The following PTCHD1 variants were observed in gnomAD, a reference collection of about 807,000 sequenced individuals.
The protein encoded by PTCHD1 is patched domain-containing protein 1.
A neutral mutation model predicts 34.6 loss-of-function variants in PTCHD1; 3 were observed. The ratio of observed to expected loss-of-function variants is 0.09; its 90% CI spans 0.04 to 0.22. The LOEUF is 0.22. Among genes scored for constraint, PTCHD1 ranks in the 10% least tolerant of loss-of-function variants. The pLI, the probability that PTCHD1 is intolerant of heterozygous loss-of-function variation, is 1.00. For synonymous variants in PTCHD1, 305 were observed against 283.1 expected (o/e 1.08, Z -0.77); for missense variants, 504 against 685.5 (o/e 0.74, Z 2.96).
At chrX:23,366,921 TACACACACAC>T (rs61606231) in intron 1 of PTCHD1, among the ~76,000 whole-genome samples, 5 of 99,351 alleles carry the variant, frequency 5.0e-5, no homozygotes, top group East Asian at 3.2e-4. Context: ...ATGCTCCTGG[TACACACACAC>T]ACACACACAC....
Position 23,395,932 on chromosome X carries a change from C to T in PTCHD1, c.*1747C>T, listed in dbSNP as rs976940696. 1.9e-4 allele frequency: 21 copies of T among 111,765 alleles called. No homozygotes were observed. The highest frequency in any genetic ancestry group is 6.8e-4 in the African/African-American group (21 of 30,702). 9.2% of individuals were successfully genotyped at this position (111,765 alleles called of 1,213,427 possible). On this transcript the variant is annotated 3_prime_UTR_variant, in exon 3 of 3. Transcript: ENST00000379361. ...GGTCACACCACTAAAGGGTTTTCATCATTTCAGCATACCTAAGACAGGGCA... is the reference window on the plus strand; with the variant it reads ...GGTCACACCACTAAAGGGTTTTCATTATTTCAGCATACCTAAGACAGGGCA...
Position 23,394,409 on chromosome X carries a change from GACACACACACACACACACAC to G in PTCHD1, c.*247_*266del, listed in dbSNP as rs34539351. ...TGTTATGAGAATTCACACACACATA[GACACACACACACACACACAC>G]ACACACACACACACACACACACCCT... On this transcript the variant is annotated 3_prime_UTR_variant, in exon 3 of 3. Transcript: ENST00000379361. 15 of 200,362 alleles carry G rather than the reference GACACACACACACACACACAC, an allele frequency of 7.5e-5. No individual in the cohort carries two copies. The highest frequency in any genetic ancestry group is 7.3e-5 in the African/African-American group (2 of 27,317). 16.5% of individuals were successfully genotyped at this position (200,362 alleles called of 1,213,427 possible).
chrX:23,341,707 A>G (rs1921315499), intron 1 of PTCHD1, among the ~76,000 whole-genome samples: 1 of 110,550 alleles, frequency 9.0e-6, no homozygotes, highest in Non-Finnish European at 1.9e-5. Flanking sequence ...TTAAAAGACA[A>G]GAAAAGGAAA....
rs1922964577 is a variant in PTCHD1 at position 23,395,442 on chromosome X, G to T, written c.*1257G>T. On this transcript the variant is annotated 3_prime_UTR_variant, in exon 3 of 3. Transcript: ENST00000379361. The stretch of plus-strand genomic sequence containing the variant: ...GAAAACACTGGAAAAAGTATTCACT[G>T]ATACAAATCTATCAATGATGGCAGT... 8.9e-6 allele frequency: 1 copy of T among 111,746 alleles called. No homozygotes were observed. The highest frequency in any genetic ancestry group is 9.5e-5 in the Admixed American group (1 of 10,545). The allele number at this position is 111,746 out of a possible 1,213,427, so 9.2% of individuals were successfully genotyped here. A position where few individuals can be genotyped will look rare whatever the true frequency, so the allele number is the denominator to read the frequency against.
chrX:23,372,936 G>A (rs1463739112), intron 1 of PTCHD1, among the ~76,000 whole-genome samples: 1 of 112,033 alleles, frequency 8.9e-6, no homozygotes, highest in African/African-American at 3.2e-5. Context: ...AGACTGCCAA[G>A]TATCTTCATA....
rs753665613 is a variant in PTCHD1, at chrX:23,335,046, G to A, written c.171G>A (p.Ala57=). Residue 57 remains alanine (A), a synonymous_variant, in exon 1 of 3, where the codon GCG becomes GCA. Transcript: ENST00000379361. ...AGGAGAGCGTGGAGCACCTGCTGGC[G>A]CCCCAGCACAGCCTGGCCAAGATCG... ...QVEESVEHLL[A]PQHSLAKIER... is the part of the protein sequence containing the mutation. The A allele has an allele frequency of 3.6e-5, 43 of 1,209,197 alleles. No homozygotes were observed. Among genetic ancestry groups the A allele is most frequent in the Non-Finnish European group, 4.7e-5 (42 of 894,766 alleles).
chrX:23,370,676 G>T (rs748866064), intron 1 of PTCHD1, among the ~76,000 whole-genome samples: 5 of 111,666 alleles, frequency 4.5e-5, no homozygotes, highest in African/African-American at 1.6e-4. Flanking sequence ...CTCAAGTTCA[G>T]TGCCCATTAG....
At chrX:23,358,756 T>C (rs1921885345) in intron 1 of PTCHD1, among the ~76,000 whole-genome samples, 1 of 112,307 alleles carries the variant, frequency 8.9e-6, no homozygotes, top group Non-Finnish European at 1.9e-5. Context: ...ACCTAAGTTT[T>C]CTTCAAGGGT....
chrX:23,398,597 A>C lies in PTCHD1; in HGVS notation c.*4412A>C, dbSNP rs1923048332. ...AAGCACCAGGTATTTAGAGACATAA[A>C]GTTCCCGTTTTTTAAAAGAATAGTA... On this transcript the variant is annotated 3_prime_UTR_variant, in exon 3 of 3. Transcript: ENST00000379361. 8.9e-6 allele frequency: 1 copy of C among 111,909 alleles called. No individual in the cohort carries two copies. The highest frequency in any genetic ancestry group is 3.3e-5 in the African/African-American group (1 of 30,764). The allele number at this position is 111,909 out of a possible 1,213,427, so 9.2% of individuals were successfully genotyped here. A position where few individuals can be genotyped will look rare whatever the true frequency, so the allele number is the denominator to read the frequency against.
chrX:23,342,296 ATATATATATATATATTTTTTT>A (rs1425398529), intron 1 of PTCHD1, among the ~76,000 whole-genome samples: 8 of 13,136 alleles, frequency 6.1e-4, no homozygotes, highest in African/African-American at 3.0e-3. Flanking sequence ...ATATATATAT[ATATATATATATATATTTTTTT>A]TTTTTTTTTT....
intron 2 of PTCHD1, among the ~76,000 whole-genome samples, chrX:23,386,424 A>G (rs981940347): frequency 4.5e-5 from 5 of 112,216 alleles, no homozygotes; most frequent in African/African-American, 1.6e-4. Flanking sequence ...TTACTTAAAC[A>G]GAGTACACCT....
chrX:23,357,442 T>G (rs764151805), intron 1 of PTCHD1, among the ~76,000 whole-genome samples: 3 of 111,450 alleles, frequency 2.7e-5, no homozygotes, highest in Non-Finnish European at 5.6e-5. Context: ...CTGGTGAGAC[T>G]GTAAAATGTT....
At chrX:23,377,758 C>T (rs1298517486) in intron 1 of PTCHD1, among the ~76,000 whole-genome samples, 3 of 111,735 alleles carry the variant, frequency 2.7e-5, no homozygotes, top group South Asian at 3.8e-4. Flanking sequence ...CACTCATGCT[C>T]TGTGCTAATG....
In PTCHD1 at chrX:23,336,897, C is replaced by A. The variant is rs956549145; in HGVS notation, c.351+1671C>A. Among the ~76,000 whole-genome samples the A allele has an allele frequency of 6.3e-5, 7 of 111,294 alleles. No homozygotes were observed. In the South Asian group the frequency reaches 2.7e-3, roughly 43 times the overall value. The stretch of plus-strand genomic sequence containing the variant: ...CCAGTTCTGACAGTTGGAAATGCCC[C>A]GTCTTTTGATTGATGATCTACTAAA... On this transcript the variant is annotated intron_variant, in intron 1 of 2. Coordinates refer to ENST00000379361, the MANE Select transcript of PTCHD1 (RefSeq NM_173495.3).
chrX:23,371,002 G>A (rs1412182658), intron 1 of PTCHD1, among the ~76,000 whole-genome samples: 2 of 111,278 alleles, frequency 1.8e-5, no homozygotes, highest in African/African-American at 3.3e-5. Flanking sequence ...TCTTGGGGAG[G>A]AGGAGAGGCA....
chrX:23,377,415 G>A (rs151075117), intron 1 of PTCHD1, among the ~76,000 whole-genome samples: 1 of 111,730 alleles, frequency 9.0e-6, no homozygotes, highest in Non-Finnish European at 1.9e-5. Flanking sequence ...GTAACTAGGA[G>A]TTCTTTTAAT....
At chrX:23,347,992 A>G (rs1266918479) in intron 1 of PTCHD1, among the ~76,000 whole-genome samples, 1 of 110,626 alleles carries the variant, frequency 9.0e-6, no homozygotes, top group Non-Finnish European at 1.9e-5. Flanking sequence ...CCTGGGTAAC[A>G]GAGTGAGATC....
Position 23,334,967 on chromosome X carries a change from C to G in PTCHD1, c.92C>G (p.Ala31Gly). The G allele has an allele frequency of 8.3e-7, 1 of 1,209,471 alleles. No individual in the cohort carries two copies. Among genetic ancestry groups the G allele is most frequent in the Non-Finnish European group, 1.1e-6 (1 of 894,368 alleles). Reference sequence around the variant, plus strand: ...AGTCACCCTGTCTTCTTCGCCTCGGCGCCGGTGCTCATCTCCATCCTGCTC... The same window carrying G: ...AGTCACCCTGTCTTCTTCGCCTCGGGGCCGGTGCTCATCTCCATCCTGCTC... ...IASHPVFFAS[A>G]PVLISILLGA... The change falls in exon 1 of 3, where the codon GCG (alanine) becomes GGG (glycine). Residue 31 changes from alanine to glycine, a missense_variant. Ala to Gly is a moderately conservative substitution (Grantham distance 60). Transcript: ENST00000379361.
intron 1 of PTCHD1, among the ~76,000 whole-genome samples, chrX:23,353,343 T>A (rs780619079): frequency 4.4e-5 from 5 of 112,441 alleles, no homozygotes; most frequent in Non-Finnish European, 9.4e-5. Context: ...TCCCAGCGCT[T>A]TGGGCGGCCG....
Sources: allele counts gnomAD v4.1 joint callset (sites outside exome capture counted in the v4.1 genomes callset), GRCh38; gene constraint gnomAD v4.1.1; transcripts MANE v1.5; gene names NCBI Gene and HGNC (gene_info 2026-07-23, HGNC 2026-07-21).